The following NAALADL1 variants were observed in gnomAD, a reference collection of about 807,000 sequenced individuals.
NAALADL1 encodes the protein aminopeptidase NAALADL1.
Under a neutral mutation model 82.8 loss-of-function variants are expected in NAALADL1, and 77 were observed. The ratio of observed to expected loss-of-function variants is 0.93; its 90% CI spans 0.77 to 1.12. The LOEUF is 1.12. Ranked by LOEUF, NAALADL1 falls within the 50% of genes most tolerant of loss-of-function variation. NAALADL1 has a pLI of 0.00. For missense variants in NAALADL1, 956 were observed against 964.0 expected (o/e 0.99, Z 0.11); for synonymous variants, 358 against 399.2 (o/e 0.90, Z 1.23).
At chr11:65,045,794 A>G in intron 17 of NAALADL1, 28 bp downstream of exon 17, 1 of 1,603,396 alleles carries the variant, frequency 6.2e-7, no homozygotes, top group Non-Finnish European at 8.5e-7. Context: ...ACCTGGAGGC[A>G]CCTCCCAGGA....
At chr11:65,060,965 C>T (rs542313733), upstream of NAALADL1, among the ~76,000 whole-genome samples, 1 of 152,182 alleles carries the variant, frequency 6.6e-6, no homozygotes, top group Non-Finnish European at 1.5e-5. Flanking sequence ...GCCCCACACA[C>T]TTGCCTCCGT....
chr11:65,048,416 AG>A (rs1207856404), intron 8 of NAALADL1, 31 bp from the exon 9 acceptor site: 1 of 1,609,394 alleles, frequency 6.2e-7, no homozygotes, highest in Non-Finnish European at 8.5e-7. Context: ...GTTGGAGGAC[AG>A]GGTCCTCCTG....
Position 65,046,277 on chromosome 11 carries a change from G to C in NAALADL1, c.1767C>G (p.Val589=). Residue 589 remains valine (V), a synonymous_variant, in exon 15 of 18, where the codon GTC becomes GTG. Coordinates refer to ENST00000358658, the MANE Select transcript of NAALADL1 (RefSeq NM_005468.3). ...TGCGGAGTGTCTCACTGTAGTCACT[G>C]ACTTTGAGGGGCAGGAAGAAGCTGT... is the stretch of plus-strand genomic sequence containing the variant. The part of the protein sequence containing the change: ...LSDSFFLPLK[V]SDYSETLRSF... 1 of 1,614,188 alleles carries C rather than the reference G, an allele frequency of 6.2e-7. No homozygotes were observed. The highest frequency in any genetic ancestry group is 8.5e-7 in the Non-Finnish European group (1 of 1,180,046).
chr11:65,051,315 CTTTTTTTTTTTTTTTTTTTTTTTT>C (rs10535126), intron 8 of NAALADL1, among the ~76,000 whole-genome samples: 3 of 59,506 alleles, frequency 5.0e-5, no homozygotes, highest in African/African-American at 6.4e-5. Context: ...TTCTTTCTTT[CTTTTTTTTTTTTTTTTTTTTTTTT>C]TTTTTTTTTT....
In NAALADL1 at chr11:65,058,357, G is replaced by A. The variant is rs1030627499; in HGVS notation, c.165C>T (p.His55=). Residue 55 remains histidine (H), a synonymous_variant, in exon 1 of 18, where the codon CAC becomes CAT. Coordinates refer to ENST00000358658, the MANE Select transcript of NAALADL1 (RefSeq NM_005468.3). ...LETVMGQLDA[H]RIRENLRELS... Reference sequence around the variant, plus strand: ...CTCACCTGAGGTTCTCCCGGATCCTGTGGGCATCCAGCTGCCCCATGACGG... The same window carrying A: ...CTCACCTGAGGTTCTCCCGGATCCTATGGGCATCCAGCTGCCCCATGACGG... 1 of 1,614,186 alleles carries A rather than the reference G, an allele frequency of 6.2e-7. No individual in the cohort carries two copies. Among genetic ancestry groups the A allele is most frequent in the South Asian group, 1.1e-5 (1 of 91,082 alleles).
chr11:65,046,969 TC>T (rs1045111038), intron 13 of NAALADL1, among the ~76,000 whole-genome samples: 4 of 150,934 alleles, frequency 2.7e-5, no homozygotes, highest in South Asian at 4.2e-4. Flanking sequence ...GAGATTAACT[TC>T]CCCCCTCCCA....
At chr11:65,055,738 A>G (rs1210394880) in intron 4 of NAALADL1, among the ~76,000 whole-genome samples, 1 of 152,116 alleles carries the variant, frequency 6.6e-6, no homozygotes, top group Non-Finnish European at 1.5e-5. Flanking sequence ...GGAAATGGGT[A>G]GTGGTGATGG....
At chr11:65,047,337 G>GT in intron 13 of NAALADL1, 138 bp downstream of exon 13, 3 of 696,386 alleles carry the variant, frequency 4.3e-6, no homozygotes, top group East Asian at 2.7e-5. Flanking sequence ...GTGTGTGTGT[G>GT]TGTTTTTTTT....
chr11:65,049,051 C>T (rs1386921613), intron 8 of NAALADL1, among the ~76,000 whole-genome samples: 6 of 152,150 alleles, frequency 3.9e-5, no homozygotes, highest in African/African-American at 1.4e-4. Context: ...GACTGAGTCT[C>T]ACTCTGTGGC....
In NAALADL1 at chr11:65,045,102, T is replaced by C. The variant is rs1946687211; in HGVS notation, c.*169A>G. 5 of 735,658 alleles carry C rather than the reference T, an allele frequency of 6.8e-6. No homozygotes were observed. The highest frequency in any genetic ancestry group is 1.1e-5 in the Non-Finnish European group (5 of 461,136). The allele number at this position is 735,658 out of a possible 1,614,324, so 45.6% of individuals were successfully genotyped here. On this transcript the variant is annotated 3_prime_UTR_variant, in exon 18 of 18. Coordinates refer to ENST00000358658, the MANE Select transcript of NAALADL1 (RefSeq NM_005468.3). ...ACCTAAGCACCAGGATGAGGGTGAG[T>C]TGCATTAGGGCTTGCCACTCCCCTC...
upstream of NAALADL1, among the ~76,000 whole-genome samples, chr11:65,059,987 G>A (rs1214047343): frequency 6.6e-6 from 1 of 152,182 alleles, no homozygotes; most frequent in East Asian, 1.9e-4. Flanking sequence ...AGGGGCTGGG[G>A]GGGTCCCTAG....
At chr11:65,050,108 T>A (rs997210206) in intron 8 of NAALADL1, among the ~76,000 whole-genome samples, 2 of 151,420 alleles carry the variant, frequency 1.3e-5, no homozygotes, top group Non-Finnish European at 2.9e-5. Context: ...ACTCCTGACC[T>A]CAGGTGATCC....
rs762132383 is a variant in NAALADL1 at position 65,045,167 on chromosome 11, C to T, written c.*104G>A. ...GTTGCCTGAGAAGCTTGAGAGGGTC[C>T]TGTGGTAGTGCCCTCTTCTGGCACC... On this transcript the variant is annotated 3_prime_UTR_variant, in exon 18 of 18. Coordinates refer to ENST00000358658, the MANE Select transcript of NAALADL1 (RefSeq NM_005468.3). The T allele has an allele frequency of 7.7e-7, 1 of 1,302,984 alleles. No homozygotes were observed. Among genetic ancestry groups the T allele is most frequent in the Non-Finnish European group, 1.0e-6 (1 of 952,548 alleles). The allele number at this position is 1,302,984 out of a possible 1,614,324, so 80.7% of individuals were successfully genotyped here. A position where few individuals can be genotyped will look rare whatever the true frequency, so the allele number is the denominator to read the frequency against.
At chr11:65,056,899 T>C (rs901142774) in intron 4 of NAALADL1, among the ~76,000 whole-genome samples, 14 of 151,904 alleles carry the variant, frequency 9.2e-5, no homozygotes, top group African/African-American at 3.4e-4. Context: ...GTATTTTGAG[T>C]AGAGATGGAG....
At position 65,057,392 on chromosome 11, in the gene NAALADL1, C is replaced by G. The variant is rs780618888; in HGVS notation, c.582G>C (p.Gly194=). ...TCACCTTGGCCCCACGCCCTACACC[C>G]CCATATCGAGTCAGGGCAATGGTGC... ...LEGTIALTRY[G]GVGRGAKAVN... The change falls in exon 4 of 18, where the codon GGG becomes GGC. Residue 194 remains glycine, a synonymous_variant. Transcript: ENST00000358658. 4.3e-6 allele frequency: 7 copies of G among 1,613,788 alleles called. No homozygotes were observed. Among genetic ancestry groups the G allele is most frequent in the East Asian group, 2.2e-5 (1 of 44,898 alleles).
In NAALADL1 at chr11:65,054,386, A is replaced by G; in HGVS notation, c.888-32T>C. ...AGGAGGAAGAGGCCCTTCAGGGTAA[A>G]TGTGAGTGTGGGGCTTGAAGTCTGG... On this transcript the variant is annotated intron_variant, in intron 5 of 17. Coordinates refer to ENST00000358658, the MANE Select transcript of NAALADL1 (RefSeq NM_005468.3). The surrounding 1 kb of genome is among the most constrained non-coding windows in gnomAD (Gnocchi z 4.3). The G allele has an allele frequency of 6.2e-7, 1 of 1,613,124 alleles. No homozygotes were observed. The highest frequency in any genetic ancestry group is 8.5e-7 in the Non-Finnish European group (1 of 1,179,292).
chr11:65,048,353 C>A lies in NAALADL1; in HGVS notation c.1231G>T (p.Ala411Ser). The change falls in exon 9 of 18, where the codon GCG (alanine) becomes TCG (serine). Residue 411 changes from alanine to serine, a missense_variant. Ala to Ser is a moderately conservative substitution (Grantham distance 99). Transcript: ENST00000358658. ...TWRPRRSIVFASWGAEEFGLI... is the reference protein window; with the variant it reads ...TWRPRRSIVFSSWGAEEFGLI... Reference sequence around the variant, plus strand: ...CCAAACTCCTCAGCCCCCCAGCTCGCAAACACGATTGATCTGCGAGGACGC... The same window carrying A: ...CCAAACTCCTCAGCCCCCCAGCTCGAAAACACGATTGATCTGCGAGGACGC... The A allele has an allele frequency of 6.2e-7, 1 of 1,614,204 alleles. No homozygotes were observed. The highest frequency in any genetic ancestry group is 8.5e-7 in the Non-Finnish European group (1 of 1,180,036).
Position 65,055,436 on chromosome 11 carries a change from C to A in NAALADL1, c.604-698G>T, listed in dbSNP as rs185558514. Among the ~76,000 whole-genome samples, 345 of 151,686 alleles carry A rather than the reference C, an allele frequency of 2.3e-3. 3 individuals carry two copies. The highest frequency in any genetic ancestry group is 6.8e-3 in the Admixed American group (104 of 15,214). On this transcript the variant is annotated intron_variant, in intron 4 of 17. Coordinates refer to ENST00000358658, the MANE Select transcript of NAALADL1 (RefSeq NM_005468.3). ...TAGGTGACAGAGCAAGACTCTGTCT[C>A]AAAAAAACCCCAACAAACAAACAAA...
intron 13 of NAALADL1, 146 bp downstream of exon 13, chr11:65,047,325 CTGTG>C: frequency 4.5e-6 from 3 of 666,978 alleles, no homozygotes; most frequent in South Asian, 2.0e-5. Context: ...GTGTGTATTT[CTGTG>C]TGTGTGTGTG....
Sources: allele counts gnomAD v4.1 joint callset (sites outside exome capture counted in the v4.1 genomes callset), GRCh38; gene constraint gnomAD v4.1.1; non-coding constraint Gnocchi (gnomAD v3.1); transcripts MANE v1.5; gene names NCBI Gene and HGNC (gene_info 2026-07-23, HGNC 2026-07-21).